The following SH3D19 variants were observed in gnomAD, a reference collection of about 807,000 sequenced individuals.
The protein encoded by SH3D19 is SH3 domain containing 19.
A neutral mutation model predicts 112.1 loss-of-function variants in SH3D19; 58 were observed. The ratio of observed to expected loss-of-function variants is 0.52; its 90% CI spans 0.42 to 0.64. The LOEUF is 0.64. Ranked by LOEUF, SH3D19 falls within the 30% of genes least tolerant of loss-of-function variation. The probability of loss-of-function intolerance (pLI) is 0.00; values close to 1 mark genes in which losing one functional copy is unlikely to be tolerated. For missense variants in SH3D19, 1,090 were observed against 1,263.4 expected (o/e 0.86, Z 2.08); for synonymous variants, 391 against 448.5 (o/e 0.87, Z 1.62).
intron 1 of SH3D19, among the ~76,000 whole-genome samples, chr4:151,258,415 C>T (rs1772107346): frequency 6.6e-6 from 1 of 152,224 alleles, no homozygotes; most frequent in South Asian, 2.1e-4. Flanking sequence ...ATCTGCCCTC[C>T]ATTGGTTCAC....
chr4:151,278,964 A>C, intron 1 of SH3D19: 2 of 228,696 alleles, frequency 8.7e-6, no homozygotes, highest in Non-Finnish European at 1.8e-5. Context: ...CTATTGGTTC[A>C]TTTATGTAGT....
intron 1 of SH3D19, among the ~76,000 whole-genome samples, chr4:151,274,024 A>G (rs115561996): frequency 2.0e-3 from 310 of 152,344 alleles, no homozygotes; most frequent in African/African-American, 7.1e-3. Flanking sequence ...AGTGAGTAGC[A>G]GAAAACCAGA....
intron 8 of SH3D19, among the ~76,000 whole-genome samples, chr4:151,162,595 TC>T (rs1398696586): frequency 2.1e-5 from 3 of 142,088 alleles, no homozygotes; most frequent in Non-Finnish European, 4.5e-5. Flanking sequence ...ACAAGATTGG[TC>T]CCTTTTTTTT....
intron 1 of SH3D19, among the ~76,000 whole-genome samples, chr4:151,236,992 C>T (rs1770114118): frequency 6.6e-6 from 1 of 152,222 alleles, no homozygotes; most frequent in South Asian, 2.1e-4. Flanking sequence ...CCAGCAGCAG[C>T]AACATGCTGA....
At chr4:151,236,144 C>T (rs1055850690) in intron 1 of SH3D19, among the ~76,000 whole-genome samples, 18 of 152,262 alleles carry the variant, frequency 1.2e-4, no homozygotes, top group African/African-American at 2.4e-5. Context: ...CCGCTCTGGC[C>T]GCGCTGGAGG....
chr4:151,168,331 T>G (rs1561270434), intron 7 of SH3D19, among the ~76,000 whole-genome samples: 1 of 151,932 alleles, frequency 6.6e-6, no homozygotes, highest in South Asian at 2.1e-4. Context: ...TTCCAAAAAC[T>G]GGATTTTACA....
chr4:151,270,154 A>G (rs1773133654), intron 1 of SH3D19, among the ~76,000 whole-genome samples: 1 of 152,140 alleles, frequency 6.6e-6, no homozygotes, highest in Admixed American at 6.6e-5. Context: ...CTCATTTATT[A>G]TCATTATCAG....
chr4:151,216,877 C>CTGTGTG (rs34575245), intron 2 of SH3D19, among the ~76,000 whole-genome samples: 4,525 of 140,790 alleles, frequency 0.032, 103 homozygotes, highest in South Asian at 0.075. Context: ...CAAAACAACA[C>CTGTGTG]TGTGTGTGTG....
intron 1 of SH3D19, among the ~76,000 whole-genome samples, chr4:151,242,693 C>T (rs961253605): frequency 1.3e-5 from 2 of 152,100 alleles, no homozygotes; most frequent in South Asian, 4.1e-4. Context: ...TTTTATATGA[C>T]TTTATATAAT....
chr4:151,317,895 G>A (rs1460196207), intron 1 of SH3D19, among the ~76,000 whole-genome samples: 4 of 152,054 alleles, frequency 2.6e-5, no homozygotes, highest in South Asian at 2.1e-4. Flanking sequence ...GGAGGCTGAC[G>A]CAGGAGAATC....
At chr4:151,193,883 C>T (rs2149867506) in intron 2 of SH3D19, among the ~76,000 whole-genome samples, 1 of 152,204 alleles carries the variant, frequency 6.6e-6, no homozygotes, top group East Asian at 1.9e-4. Context: ...TAAAACTTTT[C>T]TGGGGTTATA....
intron 1 of SH3D19, among the ~76,000 whole-genome samples, chr4:151,237,602 A>T (rs1263639684): frequency 6.6e-6 from 1 of 152,196 alleles, no homozygotes; most frequent in African/African-American, 2.4e-5. Context: ...TTCAGTGTCC[A>T]CATCTGTAAA....
At chr4:151,270,164 G>A (rs1773134564) in intron 1 of SH3D19, among the ~76,000 whole-genome samples, 1 of 151,918 alleles carries the variant, frequency 6.6e-6, no homozygotes, top group African/African-American at 2.4e-5. Flanking sequence ...ATCATTATCA[G>A]GTATTATGTT....
intron 3 of SH3D19, among the ~76,000 whole-genome samples, chr4:151,180,517 T>C (rs1425524230): frequency 4.1e-5 from 6 of 147,504 alleles, no homozygotes; most frequent in Middle Eastern, 3.6e-3. Flanking sequence ...CACCATTCTC[T>C]TGCCTCATCT....
intron 18 of SH3D19, 117 bp from the exon 19 acceptor site, chr4:151,127,832 G>T: frequency 1.9e-6 from 1 of 525,436 alleles, no homozygotes; most frequent in South Asian, 4.6e-5. Context: ...CTCTTCAGAG[G>T]TAGTGATATT....
In SH3D19 at chr4:151,191,245, A is replaced by G. The variant is rs368139097; in HGVS notation, c.153-3782T>C. On this transcript the variant is annotated intron_variant, in intron 2 of 19. Transcript: ENST00000604030. The stretch of plus-strand genomic sequence containing the variant: ...TTTTACTGGTTCATAGGCGGAAGGG[A>G]CATGCCTTGTCTCAGATGAGACATT... Among the ~76,000 whole-genome samples, 25 of 152,322 alleles carry G rather than the reference A, an allele frequency of 1.6e-4. No homozygotes were observed. The South Asian group carries it at 5.2e-3, about 32-fold the overall frequency.
At chr4:151,279,725 T>A in intron 1 of SH3D19, 2 of 1,441,806 alleles carry the variant, frequency 1.4e-6, no homozygotes, top group Non-Finnish European at 1.9e-6. Flanking sequence ...AGTTTGGGAA[T>A]GATGATAAGG....
At chr4:151,124,975 T>C (rs748062048) in intron 19 of SH3D19, among the ~76,000 whole-genome samples, 25 of 152,212 alleles carry the variant, frequency 1.6e-4, no homozygotes, top group Non-Finnish European at 2.8e-4. Flanking sequence ...ATTCAGATTC[T>C]TCACTTGCAG....
chr4:151,225,909 T>C, intron 2 of SH3D19, 138 bp downstream of exon 2: 1 of 486,088 alleles, frequency 2.1e-6, no homozygotes, highest in Non-Finnish European at 3.2e-6. Context: ...GAATAAGATT[T>C]CCCTTATGAA....
Sources: allele counts gnomAD v4.1 joint callset (sites outside exome capture counted in the v4.1 genomes callset), GRCh38; gene constraint gnomAD v4.1.1; transcripts MANE v1.5; gene names NCBI Gene and HGNC (gene_info 2026-07-23, HGNC 2026-07-21).